The following APOL2 variants were observed in gnomAD, a reference collection of about 807,000 sequenced individuals.
APOL2 encodes the protein apolipoprotein L2.
In APOL2, 8 loss-of-function variants were observed where a neutral mutation model predicts 7.1. That is an observed-to-expected ratio of 1.12 (90% confidence interval 0.66 to 2.03). APOL2 has a LOEUF of 2.03. Among genes scored for constraint, APOL2 ranks in the 30% most tolerant of loss-of-function variants. The pLI, the probability that APOL2 is intolerant of heterozygous loss-of-function variation, is 0.00. For missense variants in APOL2, 471 were observed against 415.1 expected (o/e 1.13, Z -1.17); for synonymous variants, 177 against 159.9 (o/e 1.11, Z -0.81).
chr22:36,237,282 A>T, intron 1 of APOL2: 2 of 1,356,946 alleles, frequency 1.5e-6, no homozygotes, highest in Non-Finnish European at 1.9e-6. Flanking sequence ...CTCCCACCTC[A>T]GCTCTGAGCC....
At chr22:36,233,368 G>T in intron 2 of APOL2, 34 bp downstream of exon 2, 1 of 1,559,934 alleles carries the variant, frequency 6.4e-7, no homozygotes, top group East Asian at 2.4e-5. Context: ...TTTATCTCCT[G>T]GGGCCCTGCC....
rs775227359 is a variant in APOL2 at position 36,233,136 on chromosome 22, A to G, written c.10+17T>C. ...GGTGCGAGTAGGAACTAGCCAGGAA[A>G]GAGGAAGCGAGCCTACCTGGGTTCA... On this transcript the variant is annotated intron_variant, in intron 3 of 4. Transcript: ENST00000358502. 12 of 1,613,372 alleles carry G rather than the reference A, an allele frequency of 7.4e-6. No individual in the cohort carries two copies. The Admixed American group carries it at 1.3e-4, about 18-fold the overall frequency.
At chr22:36,237,211 G>A (rs1031443756) in intron 1 of APOL2, 47 of 1,402,900 alleles carry the variant, frequency 3.4e-5, no homozygotes, top group Non-Finnish European at 4.3e-5. Context: ...TACTCCATGG[G>A]TGAGCCTGCA....
At position 36,238,231 on chromosome 22, in the gene APOL2, C is replaced by T. The variant is rs570568121; in HGVS notation, c.-134+1210G>A. On this transcript the variant is annotated intron_variant, in intron 1 of 4. Transcript: ENST00000358502. ...GAAATCCCAGGTGCAGGAGGCATTACTTGAACTAAAAGCAACCAGCCTCTG... is the reference window on the plus strand; with the variant it reads ...GAAATCCCAGGTGCAGGAGGCATTATTTGAACTAAAAGCAACCAGCCTCTG... Among the ~76,000 whole-genome samples the T allele has an allele frequency of 3.3e-5, 5 of 152,336 alleles. No individual in the cohort carries two copies. In the East Asian group the frequency reaches 5.8e-4, roughly 18 times the overall value.
intron 1 of APOL2, among the ~76,000 whole-genome samples, chr22:36,238,458 A>G (rs2015485790): frequency 6.6e-6 from 1 of 151,652 alleles, no homozygotes; most frequent in African/African-American, 2.4e-5. Flanking sequence ...CTGGGAGGGG[A>G]GGTGACTTGC....
intron 1 of APOL2, among the ~76,000 whole-genome samples, chr22:36,235,337 T>C (rs2015360412): frequency 6.6e-6 from 1 of 152,096 alleles, no homozygotes; most frequent in African/African-American, 2.4e-5. Flanking sequence ...TCAATATGAA[T>C]AGATCTAGGA....
chr22:36,235,748 G>T (rs2023315), intron 1 of APOL2, among the ~76,000 whole-genome samples: 2,410 of 110,626 alleles, frequency 0.022, 39 homozygotes, highest in Middle Eastern at 0.066. Flanking sequence ...AGAAAGGGTG[G>T]GTGGGTGGGT....
Position 36,233,133 on chromosome 22 carries a change from G to A in APOL2, c.10+20C>T. ...CTAGGTGCGAGTAGGAACTAGCCAG[G>A]AAAGAGGAAGCGAGCCTACCTGGGT... On this transcript the variant is annotated intron_variant, in intron 3 of 4. Transcript: ENST00000358502. The A allele has an allele frequency of 1.2e-6, 2 of 1,613,444 alleles. No individual in the cohort carries two copies. The highest frequency in any genetic ancestry group is 1.7e-6 in the Non-Finnish European group (2 of 1,179,416).
chr22:36,232,895 C>T (rs1424868839), intron 3 of APOL2, among the ~76,000 whole-genome samples: 1 of 151,994 alleles, frequency 6.6e-6, no homozygotes, highest in African/African-American at 2.4e-5. Context: ...TGTCCTGCCC[C>T]ACTTGAGTCA....
chr22:36,235,153 C>G (rs150384951), intron 1 of APOL2, among the ~76,000 whole-genome samples: 3 of 152,166 alleles, frequency 2.0e-5, no homozygotes, highest in African/African-American at 7.2e-5. Flanking sequence ...ACCAGGCCCA[C>G]GTGCCATATG....
intron 1 of APOL2, chr22:36,236,826 C>T (rs1047461428): frequency 1.3e-5 from 15 of 1,174,532 alleles, no homozygotes; most frequent in Non-Finnish European, 1.6e-5. Flanking sequence ...AAAGGGGGAC[C>T]CAGTCCTGGG....
intron 1 of APOL2, among the ~76,000 whole-genome samples, chr22:36,235,752 GGTGGGT>G (rs1459846607): frequency 6.5e-4 from 72 of 111,548 alleles, no homozygotes; most frequent in Middle Eastern, 4.3e-3. Context: ...AGGGTGGGTG[GGTGGGT>G]GTGTGTGTGT....
intron 1 of APOL2, among the ~76,000 whole-genome samples, chr22:36,233,830 A>G (rs182374449): frequency 4.3e-4 from 65 of 152,292 alleles, no homozygotes; most frequent in African/African-American, 1.4e-3. Flanking sequence ...AATATACAAT[A>G]TTGAGTCATG....
intron 4 of APOL2, 33 bp from the exon 5 acceptor site, chr22:36,228,313 G>C (rs1463646773): frequency 6.3e-7 from 1 of 1,580,308 alleles, no homozygotes; most frequent in African/African-American, 1.4e-5. Flanking sequence ...ATTAAGAAAT[G>C]CAGTTTCCCT....
In APOL2 at chr22:36,227,849, T is replaced by A. The variant is rs886310377; in HGVS notation, c.569A>T (p.Asn190Ile). ...QARNLDQSGT[N>I]VAKVMKEFVG... Reference sequence around the variant, plus strand: ...AAACTCCTTCATCACCTTTGCTACATTGGTGCCGCTTTGGTCCAAGTTGCG... The same window carrying A: ...AAACTCCTTCATCACCTTTGCTACAATGGTGCCGCTTTGGTCCAAGTTGCG... The change falls in exon 5 of 5, where the codon AAT becomes ATT. Residue 190 changes from asparagine to isoleucine, a missense_variant. Physicochemically the swap from Asn to Ile is moderately radical, Grantham distance 149 (BLOSUM62 -3). Coordinates refer to ENST00000358502, the MANE Select transcript of APOL2 (RefSeq NM_030882.4). 6.8e-6 allele frequency: 11 copies of A among 1,614,208 alleles called. No homozygotes were observed. Among genetic ancestry groups the A allele is most frequent in the Non-Finnish European group, 9.3e-6 (11 of 1,180,034 alleles).
chr22:36,235,537 G>A (rs1177108791), intron 1 of APOL2, among the ~76,000 whole-genome samples: 1 of 147,044 alleles, frequency 6.8e-6, no homozygotes, highest in Non-Finnish European at 1.5e-5. Context: ...AACAAAAAAA[G>A]AGATTTTCTA....
chr22:36,235,755 GGGTGTGTGT>G (rs1569532882), intron 1 of APOL2, among the ~76,000 whole-genome samples: 1,261 of 99,072 alleles, frequency 0.013, 12 homozygotes, highest in Non-Finnish European at 0.015. Context: ...GTGGGTGGGT[GGGTGTGTGT>G]GTGTGTGTGT....
intron 1 of APOL2, chr22:36,237,140 G>T: frequency 6.5e-7 from 1 of 1,527,798 alleles, no homozygotes; most frequent in African/African-American, 1.4e-5. Context: ...CCTTTGTCTG[G>T]AGCCTCTGCT....
At chr22:36,236,245 C>A (rs112044075) in intron 1 of APOL2, among the ~76,000 whole-genome samples, 4 of 152,056 alleles carry the variant, frequency 2.6e-5, no homozygotes, top group Non-Finnish European at 5.9e-5. Flanking sequence ...TACTTGTTAC[C>A]GATTAGTACA....
Sources: gnomAD v4.1 joint callset for allele counts (sites outside exome capture counted in the v4.1 genomes callset) on GRCh38, gnomAD v4.1.1 for gene constraint, MANE v1.5 for transcripts, NCBI Gene and HGNC (gene_info 2026-07-23, HGNC 2026-07-21) for gene names.